SAMD5: variants seen among roughly 807,000 people sequenced by gnomAD.
SAMD5 encodes sterile alpha motif domain-containing protein 5.
SAMD5 carries 13 observed loss-of-function variants against 11.3 expected under a neutral mutation model. The ratio of observed to expected loss-of-function variants is 1.15; its 90% confidence interval spans 0.75 to 1.83. SAMD5 has a LOEUF of 1.83. Ranked by LOEUF, SAMD5 falls within the 40% of genes most tolerant of loss-of-function variation. The pLI is 0.00. For missense variants in SAMD5, 255 were observed against 239.1 expected (o/e 1.07, Z -0.44); for synonymous variants, 129 against 111.3 (o/e 1.16, Z -1.00).
the SAMD5 span, among the ~76,000 whole-genome samples, chr6:147,802,405 G>A: frequency 6.6e-6 from 1 of 151,044 alleles, no homozygotes; most frequent in African/African-American, 2.4e-5. Flanking sequence ...AAGACGAATA[G>A]CACCAAATTT....
At chr6:147,647,073 A>G (rs923983397) in intron 1 of SAMD5, among the ~76,000 whole-genome samples, 2 of 151,824 alleles carry the variant, frequency 1.3e-5, no homozygotes, top group African/African-American at 4.8e-5. Context: ...AGGCTGAGGC[A>G]GGAGAATTGC....
chr6:147,863,838 CTT>C, the SAMD5 span, among the ~76,000 whole-genome samples: 417 of 90,892 alleles, frequency 4.6e-3, 2 homozygotes, highest in South Asian at 0.025. Flanking sequence ...TTTCTTTCCA[CTT>C]TTTTTTTTTT....
At chr6:147,822,019 C>T in the SAMD5 span, among the ~76,000 whole-genome samples, 2 of 152,016 alleles carry the variant, frequency 1.3e-5, no homozygotes, top group African/African-American at 2.4e-5. Flanking sequence ...CTCAAAAATG[C>T]ATTATCTAAT....
At chr6:147,815,051 A>C in the SAMD5 span, among the ~76,000 whole-genome samples, 4 of 152,222 alleles carry the variant, frequency 2.6e-5, no homozygotes, top group Non-Finnish European at 5.9e-5. Context: ...CCAATAGGCC[A>C]ACTGTCTGGG....
At chr6:147,898,582 G>A in the SAMD5 span, among the ~76,000 whole-genome samples, 1 of 152,076 alleles carries the variant, frequency 6.6e-6, no homozygotes, top group African/African-American at 2.4e-5. Context: ...ATAGCTAATG[G>A]TTTGCTTTTT....
the SAMD5 span, among the ~76,000 whole-genome samples, chr6:147,781,682 G>A: frequency 9.2e-5 from 14 of 151,616 alleles, no homozygotes; most frequent in South Asian, 2.1e-4. Flanking sequence ...CAGAATTCAC[G>A]TTAGGATTAA....
chr6:147,933,041 A>G, the SAMD5 span, among the ~76,000 whole-genome samples: 1 of 152,196 alleles, frequency 6.6e-6, no homozygotes, highest in Non-Finnish European at 1.5e-5. Context: ...TTAACTTAGG[A>G]TCTTTGACCA....
At chr6:147,855,268 A>G in the SAMD5 span, among the ~76,000 whole-genome samples, 1 of 152,170 alleles carries the variant, frequency 6.6e-6, no homozygotes, top group South Asian at 2.1e-4. Flanking sequence ...TAGAGGTTAT[A>G]ATAACCATAT....
At chr6:147,785,433 A>G in the SAMD5 span, among the ~76,000 whole-genome samples, 1 of 152,114 alleles carries the variant, frequency 6.6e-6, no homozygotes, top group Non-Finnish European at 1.5e-5. Flanking sequence ...GGTTTTTGAC[A>G]TTCACCTGAT....
the SAMD5 span, among the ~76,000 whole-genome samples, chr6:147,746,345 A>T: frequency 6.6e-6 from 1 of 152,142 alleles, no homozygotes; most frequent in African/African-American, 2.4e-5. Flanking sequence ...GATGGCTGCG[A>T]ATGAGTACAA....
the SAMD5 span, among the ~76,000 whole-genome samples, chr6:147,859,138 G>A: frequency 1.6e-4 from 24 of 152,230 alleles, no homozygotes; most frequent in East Asian, 1.2e-3. Flanking sequence ...TACTACCCTC[G>A]GAGATGGGCA....
At chr6:147,578,055 G>A (rs17076987) in intron 1 of SAMD5, among the ~76,000 whole-genome samples, 3,888 of 152,264 alleles carry the variant, frequency 0.026, 162 homozygotes, top group African/African-American at 0.089. Context: ...ATGCAATGGA[G>A]AGAAGTCGAA....
intron 1 of SAMD5, among the ~76,000 whole-genome samples, chr6:147,632,233 A>G (rs1790162164): frequency 6.6e-6 from 1 of 152,200 alleles, no homozygotes; most frequent in South Asian, 2.1e-4. Flanking sequence ...TTTGGAAGTA[A>G]AGCGGCCTTG....
chr6:147,833,103 C>T, the SAMD5 span, among the ~76,000 whole-genome samples: 1 of 152,216 alleles, frequency 6.6e-6, no homozygotes, highest in Non-Finnish European at 1.5e-5. Context: ...GACAATTCAT[C>T]CCAAGCAGGC....
chr6:147,898,487 A>C, the SAMD5 span, among the ~76,000 whole-genome samples: 2 of 152,204 alleles, frequency 1.3e-5, no homozygotes, highest in Non-Finnish European at 2.9e-5. Context: ...TCCTCCCTGC[A>C]CAAGCATCTT....
intron 1 of SAMD5, among the ~76,000 whole-genome samples, chr6:147,510,832 C>G (rs1033144437): frequency 4.6e-5 from 7 of 152,376 alleles, no homozygotes; most frequent in African/African-American, 9.6e-5. Context: ...GTTACCCACT[C>G]TGTGCCACTG....
chr6:147,685,591 G>A (rs1790997890), intron 1 of SAMD5, among the ~76,000 whole-genome samples: 1 of 152,106 alleles, frequency 6.6e-6, no homozygotes, highest in South Asian at 2.1e-4. Context: ...AGTTCTTCTG[G>A]CTGCATATCT....
the SAMD5 span, among the ~76,000 whole-genome samples, chr6:147,843,174 T>C: frequency 6.6e-6 from 1 of 152,212 alleles, no homozygotes; most frequent in Non-Finnish European, 1.5e-5. Context: ...AGAAAATGTT[T>C]ATTTTTAAAA....
chr6:147,732,818 G>A (rs1791737952), intron 1 of SAMD5, among the ~76,000 whole-genome samples: 1 of 152,154 alleles, frequency 6.6e-6, no homozygotes, highest in Non-Finnish European at 1.5e-5. Context: ...AATTTACAGG[G>A]ATAAGCACCT....
Sources: gnomAD v4.1 joint callset for allele counts (sites outside exome capture counted in the v4.1 genomes callset) on GRCh38, gnomAD v4.1.1 for gene constraint, MANE v1.5 for transcripts, NCBI Gene and HGNC (gene_info 2026-07-23, HGNC 2026-07-21) for gene names.